AGAP3: variants seen among roughly 807,000 people sequenced by gnomAD.
AGAP3 encodes the protein arf-GAP with GTPase, ANK repeat and PH domain-containing protein 3.
In AGAP3, 24 loss-of-function variants were observed where a neutral mutation model predicts 96.9. The observed-to-expected ratio is 0.25, with a 90% confidence interval of 0.18 to 0.35. The LOEUF is 0.35. AGAP3 is among the 10% of genes least tolerant of loss of function. The pLI, the probability that AGAP3 is intolerant of heterozygous loss-of-function variation, is 1.00. For synonymous variants in AGAP3, 563 were observed against 536.1 expected (o/e 1.05, Z -0.69); for missense variants, 876 against 1,254.2 (o/e 0.70, Z 4.55).
intron 9 of AGAP3, among the ~76,000 whole-genome samples, chr7:151,125,086 T>C: frequency 6.6e-6 from 1 of 152,172 alleles, no homozygotes; most frequent in African/African-American, 2.4e-5. Flanking sequence ...AACCTGTTGC[T>C]CATTTGATCC....
In AGAP3 at chr7:151,139,359, TGGAGCGCATGAGAAGG is replaced by T. The variant is rs1445225902; in HGVS notation, c.1667-614_1667-599del. On this transcript the variant is annotated intron_variant, in intron 12 of 17. Transcript: ENST00000397238. This position sits in a 1 kb window ranked among gnomAD's most constrained non-coding sequence, Gnocchi z 4.9. ...AGCCCACCCCTGGGAGAAGTGAGCT[TGGAGCGCATGAGAAGG>T]GGAGCCAGGGGCCCTTCCCTTGGGT... is the stretch of plus-strand genomic sequence containing the variant. Among the ~76,000 whole-genome samples, 2 of 152,120 alleles carry T rather than the reference TGGAGCGCATGAGAAGG, an allele frequency of 1.3e-5. No homozygotes were observed. The highest frequency in any genetic ancestry group is 2.9e-5 in the Non-Finnish European group (2 of 68,010).
intron 12 of AGAP3, 71 bp downstream of exon 12, chr7:151,138,384 C>G: frequency 1.3e-6 from 2 of 1,486,636 alleles, no homozygotes; most frequent in South Asian, 2.6e-5. Context: ...AACTGGGCAG[C>G]ATTCTTGGCT....
At chr7:151,117,603 T>C (rs1799657850) in intron 4 of AGAP3, 33 bp from the exon 5 acceptor site, 1 of 1,612,730 alleles carries the variant, frequency 6.2e-7, no homozygotes, top group Admixed American at 1.7e-5. Flanking sequence ...CCAGGTCCAG[T>C]TGCGGGTGCT....
At chr7:151,129,352 G>A (rs1015344187) in intron 10 of AGAP3, among the ~76,000 whole-genome samples, 3 of 152,148 alleles carry the variant, frequency 2.0e-5, no homozygotes, top group South Asian at 2.1e-4. Flanking sequence ...GCCCCGCCCC[G>A]GCCCAGAAGC....
intron 7 of AGAP3, 33 bp from the exon 8 acceptor site, chr7:151,119,954 G>C (rs755624386): frequency 2.5e-6 from 4 of 1,608,968 alleles, no homozygotes; most frequent in Non-Finnish European, 2.5e-6. Flanking sequence ...CCCCTGACCC[G>C]GAGCTGCCCT....
intron 1 of AGAP3, among the ~76,000 whole-genome samples, chr7:151,101,061 G>A (rs1313857172): frequency 6.6e-6 from 1 of 152,156 alleles, no homozygotes; most frequent in Non-Finnish European, 1.5e-5. Flanking sequence ...CCGCTGGCAC[G>A]CGTCAATCCT....
Position 151,117,735 on chromosome 7 carries a change from C to T in AGAP3, c.664C>T (p.Arg222Cys), listed in dbSNP as rs868095631. Residue 222 changes from arginine (R) to cysteine (C), a missense_variant, in exon 5 of 18, where the codon CGC becomes TGC. Transcript: ENST00000397238. ...YNYFLRLCSF[R>C]NASEVPMVLV... ...CTACTTCCTGCGTCTCTGCAGCTTC[C>T]GCAACGCCAGCGAGGTGCCCATGGT... The T allele has an allele frequency of 2.5e-6, 4 of 1,614,170 alleles. No homozygotes were observed. The highest frequency in any genetic ancestry group is 4.5e-5 in the East Asian group (2 of 44,888).
chr7:151,144,014 G>A lies in AGAP3; in HGVS notation c.*71G>A. 6.8e-7 allele frequency: 1 copy of A among 1,466,332 alleles called. No homozygotes were observed. Among genetic ancestry groups the A allele is most frequent in the African/African-American group, 1.4e-5 (1 of 71,258 alleles). The allele number at this position is 1,466,332 out of a possible 1,614,324, so 90.8% of individuals were successfully genotyped here. On this transcript the variant is annotated 3_prime_UTR_variant, in exon 18 of 18. Coordinates refer to ENST00000397238, the MANE Select transcript of AGAP3 (RefSeq NM_031946.7). ...AGACCCTCCTCCCTGCAGGCACTGT[G>A]GGAACAGACACAGAGATGGAGAAGC...
chr7:151,122,975 G>A, intron 8 of AGAP3: 1 of 1,428,212 alleles, frequency 7.0e-7, no homozygotes, highest in South Asian at 1.5e-5. Context: ...CGCGCTGGGG[G>A]CTGCCGGGGA....
chr7:151,124,240 C>T (rs1390266850), intron 9 of AGAP3, among the ~76,000 whole-genome samples: 2 of 152,150 alleles, frequency 1.3e-5, no homozygotes, highest in African/African-American at 4.8e-5. Flanking sequence ...GAGAAGCCTG[C>T]GTGGAAGGGG....
At chr7:151,119,565 C>T (rs1042236368) in intron 7 of AGAP3, among the ~76,000 whole-genome samples, 11 of 152,322 alleles carry the variant, frequency 7.2e-5, no homozygotes, top group South Asian at 2.1e-4. Flanking sequence ...CGCCTCCTGG[C>T]CTCCTGCACT....
At position 151,139,271 on chromosome 7, in the gene AGAP3, G is replaced by A. The variant is rs1458245212; in HGVS notation, c.1667-708G>A. The stretch of plus-strand genomic sequence containing the variant: ...TGAGCTGCCATGGCCTCAGGAGCAC[G>A]GGCTGAGGGAGGAGCTGGGCGGTGC... On this transcript the variant is annotated intron_variant, in intron 12 of 17. Coordinates refer to ENST00000397238, the MANE Select transcript of AGAP3 (RefSeq NM_031946.7). The surrounding 1 kb of genome is among the most constrained non-coding windows in gnomAD (Gnocchi z 4.9). Among the ~76,000 whole-genome samples, 3 of 152,218 alleles carry A rather than the reference G, an allele frequency of 2.0e-5. No homozygotes were observed. The highest frequency in any genetic ancestry group is 2.9e-5 in the Non-Finnish European group (2 of 68,048).
intron 9 of AGAP3, 95 bp from the exon 10 acceptor site, chr7:151,128,485 A>C: frequency 2.0e-6 from 2 of 983,032 alleles, no homozygotes; most frequent in Non-Finnish European, 3.1e-6. Context: ...AGAAGCGGGG[A>C]GGGGGGAGGG....
At chr7:151,093,395 C>A (rs1297604180) in intron 1 of AGAP3, among the ~76,000 whole-genome samples, 1 of 152,206 alleles carries the variant, frequency 6.6e-6, no homozygotes, top group Non-Finnish European at 1.5e-5. Context: ...TCCACCTCGG[C>A]CTCCCAAGGT....
intron 1 of AGAP3, chr7:151,090,116 AG>A (rs1179085475): frequency 6.6e-6 from 1 of 152,212 alleles, no homozygotes. Flanking sequence ...GGAGCCCCAA[AG>A]GAGCCCGGGA....
At position 151,143,247 on chromosome 7, in the gene AGAP3, C is replaced by G. The variant is rs370363045; in HGVS notation, c.2274-94C>G. ...TCTCACTGTTTCTTCCTTGTTCCCC[C>G]GGGTGCTCGCTTCCTTTCCTGCCCA... is the stretch of plus-strand genomic sequence containing the variant. On this transcript the variant is annotated intron_variant, in intron 16 of 17. Transcript: ENST00000397238. The surrounding 1 kb of genome is among the most constrained non-coding windows in gnomAD (Gnocchi z 5.9). The G allele has an allele frequency of 6.9e-7, 1 of 1,441,826 alleles. No individual in the cohort carries two copies. The highest frequency in any genetic ancestry group is 1.4e-5 in the African/African-American group (1 of 70,228). The allele number at this position is 1,441,826 out of a possible 1,614,324, so 89.3% of individuals were successfully genotyped here.
At chr7:151,086,264 G>T (rs1798136225), upstream of AGAP3, among the ~76,000 whole-genome samples, 1 of 151,490 alleles carries the variant, frequency 6.6e-6, no homozygotes, top group South Asian at 2.1e-4. Flanking sequence ...AGTGGGAGGG[G>T]CCGGGGCGCC....
At position 151,143,956 on chromosome 7, in the gene AGAP3, G is replaced by A. The variant is rs1337843134; in HGVS notation, c.*13G>A. On this transcript the variant is annotated 3_prime_UTR_variant, in exon 18 of 18. Coordinates refer to ENST00000397238, the MANE Select transcript of AGAP3 (RefSeq NM_031946.7). The surrounding 1 kb of genome is among the most constrained non-coding windows in gnomAD (Gnocchi z 5.9). ...TAGCCTCCTATAAGGCCCAGGAAGAGGGCAGAGGGGCCAGAAGGACTCCAT... is the reference window on the plus strand; with the variant it reads ...TAGCCTCCTATAAGGCCCAGGAAGAAGGCAGAGGGGCCAGAAGGACTCCAT... 1.4e-5 allele frequency: 22 copies of A among 1,611,632 alleles called. No individual in the cohort carries two copies. The highest frequency in any genetic ancestry group is 1.8e-5 in the Non-Finnish European group (21 of 1,178,194).
In AGAP3 at chr7:151,097,004, C is replaced by T. The variant is rs376322000; in HGVS notation, c.331+9932C>T. Among the ~76,000 whole-genome samples the T allele has an allele frequency of 1.3e-3, 197 of 151,338 alleles. 3 individuals carry two copies. In the South Asian group the frequency reaches 0.032, roughly 24 times the overall value. On this transcript the variant is annotated intron_variant, in intron 1 of 17. Coordinates refer to ENST00000397238, the MANE Select transcript of AGAP3 (RefSeq NM_031946.7). ...TTTACCATGTTGGCCAGGGTGGTCTCGAACTCCTGACCTCAGGTGATCTGC... is the reference window on the plus strand; with the variant it reads ...TTTACCATGTTGGCCAGGGTGGTCTTGAACTCCTGACCTCAGGTGATCTGC...
Sources: allele counts gnomAD v4.1 joint callset (sites outside exome capture counted in the v4.1 genomes callset), GRCh38; gene constraint gnomAD v4.1.1; non-coding constraint Gnocchi (gnomAD v3.1); transcripts MANE v1.5; gene names NCBI Gene and HGNC (gene_info 2026-07-23, HGNC 2026-07-21).